Variants in BLTP1 observed in about 807,000 individuals in gnomAD.
The protein encoded by BLTP1 is fragile site-associated protein.
At chr4:122,208,886 A>C in the BLTP1 span, among the ~76,000 whole-genome samples, 3 of 151,632 alleles carry the variant, frequency 2.0e-5, no homozygotes, top group Admixed American at 1.3e-4. Flanking sequence ...TAAAAAAAAC[A>C]AAAAACAGCA....
chr4:122,301,505 T>C, the BLTP1 span: 1 of 584,928 alleles, frequency 1.7e-6, no homozygotes, highest in South Asian at 3.6e-5. Context: ...AAAATAAAAA[T>C]GATCTATAAC....
chr4:122,282,854 T>TTA, the BLTP1 span, among the ~76,000 whole-genome samples: 1 of 152,140 alleles, frequency 6.6e-6, no homozygotes, highest in African/African-American at 2.4e-5. Flanking sequence ...CCTTACGAGT[T>TTA]TATATATATA....
the BLTP1 span, among the ~76,000 whole-genome samples, chr4:122,260,685 G>A: frequency 2.6e-5 from 4 of 151,818 alleles, no homozygotes; most frequent in Non-Finnish European, 4.4e-5. Context: ...AAATTTAGAA[G>A]GTGATGCTCT....
chr4:122,306,454 A>G, the BLTP1 span: 1 of 561,022 alleles, frequency 1.8e-6, no homozygotes, highest in South Asian at 7.9e-5. Context: ...CCAGTGGAAA[A>G]GAAAACAAAG....
chr4:122,152,380 C>G, the BLTP1 span: 10 of 985,878 alleles, frequency 1.0e-5, no homozygotes, highest in Non-Finnish European at 9.6e-6. Context: ...CCTCCGCCCC[C>G]TTGGGTGTCG....
At chr4:122,286,512 C>A in the BLTP1 span, 1 of 1,612,580 alleles carries the variant, frequency 6.2e-7, no homozygotes, top group Non-Finnish European at 8.5e-7. Context: ...AACACTAGCA[C>A]AAACAATAAC....
the BLTP1 span, chr4:122,188,323 C>T: frequency 2.1e-6 from 1 of 476,566 alleles, no homozygotes; most frequent in African/African-American, 2.1e-5. Context: ...ATTTTTTTAT[C>T]CTTTTCTCCT....
chr4:122,329,427 T>C, the BLTP1 span, among the ~76,000 whole-genome samples: 1 of 151,726 alleles, frequency 6.6e-6, no homozygotes, highest in South Asian at 2.1e-4. Flanking sequence ...TTTAATTTCA[T>C]GGTGGTCCAA....
At chr4:122,196,193 C>T in the BLTP1 span, among the ~76,000 whole-genome samples, 2 of 152,108 alleles carry the variant, frequency 1.3e-5, no homozygotes, top group Non-Finnish European at 2.9e-5. Flanking sequence ...TAAGTGTTTT[C>T]CATGTGTCTT....
chr4:122,260,005 A>T, the BLTP1 span: 1 of 650,534 alleles, frequency 1.5e-6, no homozygotes, highest in East Asian at 1.4e-4. Context: ...ACTTAATGAC[A>T]GGGATGATGC....
At chr4:122,172,065 CA>C in the BLTP1 span, 5 of 553,308 alleles carry the variant, frequency 9.0e-6, no homozygotes, top group Non-Finnish European at 1.1e-5. Flanking sequence ...AATAACTTTA[CA>C]AAATATTTTT....
At chr4:122,245,260 G>A in the BLTP1 span, 3 of 783,260 alleles carry the variant, frequency 3.8e-6, no homozygotes, top group Non-Finnish European at 6.1e-6. Context: ...TGTTCTAAAA[G>A]CGTTTATATG....
chr4:122,227,945 G>T, the BLTP1 span, among the ~76,000 whole-genome samples: 7 of 135,258 alleles, frequency 5.2e-5, no homozygotes, highest in African/African-American at 1.7e-4. Flanking sequence ...ACAGAGTCTT[G>T]CTCTGTCGCC....
chr4:122,193,138 T>A, the BLTP1 span, among the ~76,000 whole-genome samples: 1 of 152,180 alleles, frequency 6.6e-6, no homozygotes, highest in African/African-American at 2.4e-5. Flanking sequence ...CACTAATGAC[T>A]TCATTTTAAC....
the BLTP1 span, chr4:122,331,366 C>A: frequency 6.2e-7 from 1 of 1,611,600 alleles, no homozygotes; most frequent in East Asian, 2.2e-5. Context: ...TGCTGCTGTT[C>A]ATCAGCTATT....
chr4:122,174,472 G>C, the BLTP1 span: 2 of 1,508,330 alleles, frequency 1.3e-6, no homozygotes, highest in East Asian at 4.7e-5. Flanking sequence ...GAGAAGAGAT[G>C]CTTATTGAAT....
chr4:122,338,150 G>A, the BLTP1 span, among the ~76,000 whole-genome samples: 2 of 150,172 alleles, frequency 1.3e-5, no homozygotes, highest in African/African-American at 4.9e-5. Flanking sequence ...GAGGGTTTGA[G>A]GGTTATAAAA....
the BLTP1 span, chr4:122,359,622 G>T: frequency 2.5e-6 from 4 of 1,612,450 alleles, no homozygotes; most frequent in Non-Finnish European, 2.5e-6. Context: ...TATACATGAC[G>T]ACAATTCCTC....
chr4:122,243,759 G>A, the BLTP1 span: 1 of 1,327,308 alleles, frequency 7.5e-7, no homozygotes, highest in Non-Finnish European at 9.7e-7. Context: ...AAAATTTTTA[G>A]TTGTAATGAA....
Sources: gnomAD v4.1 joint callset for allele counts (sites outside exome capture counted in the v4.1 genomes callset) on GRCh38, gnomAD v4.1.1 for gene constraint, MANE v1.5 for transcripts, NCBI Gene and HGNC (gene_info 2026-07-23, HGNC 2026-07-21) for gene names.